The following TNRC6A variants were observed in gnomAD, a reference collection of about 807,000 sequenced individuals.
TNRC6A encodes the protein trinucleotide repeat-containing gene 6A protein.
TNRC6A carries 44 observed loss-of-function variants against 221.2 expected under a neutral mutation model. The observed-to-expected ratio is 0.20, with a 90% CI of 0.16 to 0.26. The LOEUF (loss-of-function observed/expected upper bound fraction) is 0.26. Ranked by LOEUF, TNRC6A falls within the 10% of genes least tolerant of loss-of-function variation. The probability of loss-of-function intolerance (pLI) is 1.00; values close to 1 mark genes in which losing one functional copy is unlikely to be tolerated. For missense variants in TNRC6A, 2,199 were observed against 2,404.4 expected (o/e 0.91, Z 1.79); for synonymous variants, 847 against 838.5 (o/e 1.01, Z -0.18).
Position 24,649,178 on chromosome 16 carries a change from G to C in TNRC6A, n.402+8169G>C, listed in dbSNP as rs1299819660. ...AATAAATAATTGACAAGTAAAAATT[G>C]TATATATTTATGATGCACAATTGGT... On this transcript the variant is annotated intron_variant and non_coding_transcript_variant, in intron 2 of 2. Transcript: ENST00000566108. Among the ~76,000 whole-genome samples, 4 of 152,176 alleles carry C rather than the reference G, an allele frequency of 2.6e-5. No individual in the cohort carries two copies. In the South Asian group the frequency reaches 8.3e-4, roughly 32 times the overall value.
At chr16:24,695,504 A>G (rs868484047) in intron 2 of TNRC6A, among the ~76,000 whole-genome samples, 1 of 151,990 alleles carries the variant, frequency 6.6e-6, no homozygotes, top group African/African-American at 2.4e-5. Flanking sequence ...GGTTCAAGTG[A>G]TTCTCCTGCC....
upstream of TNRC6A, among the ~76,000 whole-genome samples, chr16:24,728,148 A>C (rs1000407583): frequency 2.6e-5 from 4 of 152,156 alleles, no homozygotes; most frequent in Admixed American, 2.6e-4. Flanking sequence ...AGATTCAAGC[A>C]TGTTGTAAAG....
intron 2 of TNRC6A, among the ~76,000 whole-genome samples, chr16:24,700,263 T>A (rs963977528): frequency 7.9e-5 from 12 of 151,234 alleles, no homozygotes; most frequent in Non-Finnish European, 2.9e-5. Flanking sequence ...TGAGACAGAG[T>A]CTCACTCTGT....
intron 2 of TNRC6A, among the ~76,000 whole-genome samples, chr16:24,654,560 C>T (rs1318591223): frequency 2.0e-5 from 3 of 151,772 alleles, no homozygotes; most frequent in South Asian, 2.1e-4. Flanking sequence ...TACAAAAATT[C>T]GCCAAGCATG....
At chr16:24,675,702 C>CTCTCTCTCTCTCTATA (rs1180245687) in intron 2 of TNRC6A, among the ~76,000 whole-genome samples, 3 of 33,266 alleles carry the variant, frequency 9.0e-5, no homozygotes, top group Non-Finnish European at 1.6e-4. Context: ...CTCTCTCTCT[C>CTCTCTCTCTCTCTATA]TATATATATA....
intron 2 of TNRC6A, among the ~76,000 whole-genome samples, chr16:24,742,641 T>G (rs1213944900): frequency 6.6e-6 from 1 of 152,114 alleles, no homozygotes; most frequent in Admixed American, 6.5e-5. Flanking sequence ...TTAGAAAATG[T>G]CTGGGCGCAG....
intron 2 of TNRC6A, among the ~76,000 whole-genome samples, chr16:24,674,270 G>T (rs1370155328): frequency 6.6e-6 from 1 of 151,972 alleles, no homozygotes; most frequent in Non-Finnish European, 1.5e-5. Flanking sequence ...GTCTCGATGT[G>T]TTGCCCAGGC....
rs757389564 is a variant in TNRC6A, at chr16:24,809,466, A to G, written c.4657A>G (p.Asn1553Asp). The G allele has an allele frequency of 5.7e-6, 9 of 1,579,128 alleles. No individual in the cohort carries two copies. Among genetic ancestry groups the G allele is most frequent in the Non-Finnish European group, 1.7e-6 (2 of 1,161,054 alleles). ...SISVNTSLDQ[N>D]SSKHGAISSG... ...TTCTGTGAACACATCTTTGGATCAA[A>G]ACTCCAGCAAACATGGTACAAAAGA... Residue 1553 changes from asparagine (N) to aspartate (D), a missense_variant, in exon 18 of 25, where the codon AAC becomes GAC. Physicochemically the swap from Asn to Asp is conservative, Grantham distance 23 (BLOSUM62 1). This residue lies in a region of TNRC6A where 449 missense variants were observed against 579.7 expected (regional missense o/e 0.77). Transcript: ENST00000395799.
At chr16:24,699,235 T>C (rs1196142680) in intron 2 of TNRC6A, among the ~76,000 whole-genome samples, 1 of 152,178 alleles carries the variant, frequency 6.6e-6, no homozygotes, top group Non-Finnish European at 1.5e-5. Context: ...AACTAAGTCC[T>C]ATTCGTGCCT....
chr16:24,758,185 C>A (rs1439665525), intron 3 of TNRC6A, among the ~76,000 whole-genome samples, 154 bp from the exon 4 acceptor site: 1 of 152,126 alleles, frequency 6.6e-6, no homozygotes, highest in Non-Finnish European at 1.5e-5. Flanking sequence ...GCTTTCCTTG[C>A]ATATCTTTTC....
intron 5 of TNRC6A, among the ~76,000 whole-genome samples, chr16:24,784,554 C>T (rs1203434600): frequency 6.6e-6 from 1 of 152,046 alleles, no homozygotes; most frequent in Non-Finnish European, 1.5e-5. Context: ...ACTTCTGGAC[C>T]CAACCAATAT....
Position 24,765,461 on chromosome 16 carries a change from T to G in TNRC6A, c.163+7101T>G, listed in dbSNP as rs1310029712. Among the ~76,000 whole-genome samples, 8 of 152,290 alleles carry G rather than the reference T, an allele frequency of 5.3e-5. No individual in the cohort carries two copies. The East Asian group carries it at 9.6e-4, about 18-fold the overall frequency. On this transcript the variant is annotated intron_variant, in intron 4 of 24. Transcript: ENST00000395799. Reference sequence around the variant, plus strand: ...GTAGTTCTGCTGTTACAGTTGGGGCTTAGTTCACTGTTTTTCTCCACAGTC... The same window carrying G: ...GTAGTTCTGCTGTTACAGTTGGGGCGTAGTTCACTGTTTTTCTCCACAGTC...
rs1318139029 is a variant in TNRC6A at position 24,755,561 on chromosome 16, T to C, written c.142-2778T>C. Among the ~76,000 whole-genome samples the C allele has an allele frequency of 2.0e-5, 3 of 152,334 alleles. 1 individual carries two copies. The South Asian group carries it at 6.2e-4, about 32-fold the overall frequency. ...AGTTCTATAGATGAGGAAACTAAGC[T>C]TTAGAGAAGTTAACACATTTGACCA... On this transcript the variant is annotated intron_variant, in intron 3 of 24. Coordinates refer to ENST00000395799, the MANE Select transcript of TNRC6A (RefSeq NM_014494.4).
At chr16:24,676,678 T>C (rs191617969) in intron 2 of TNRC6A, among the ~76,000 whole-genome samples, 36 of 152,256 alleles carry the variant, frequency 2.4e-4, no homozygotes, top group African/African-American at 8.4e-4. Context: ...AGTTTTGAAC[T>C]CCTGGGCTCA....
At chr16:24,729,987 C>A in intron 1 of TNRC6A, 141 bp downstream of exon 1, 1 of 803,236 alleles carries the variant, frequency 1.2e-6, no homozygotes. Flanking sequence ...GCGCAGGCTG[C>A]GTTGCTGCGG....
intron 2 of TNRC6A, among the ~76,000 whole-genome samples, chr16:24,745,978 C>G (rs1270156708): frequency 6.6e-6 from 1 of 152,214 alleles, no homozygotes; most frequent in South Asian, 2.1e-4. Context: ...TTTTCCCTCC[C>G]TTTTTCAATT....
At chr16:24,764,988 A>C (rs2057442305) in intron 4 of TNRC6A, among the ~76,000 whole-genome samples, 1 of 152,226 alleles carries the variant, frequency 6.6e-6, no homozygotes, top group Admixed American at 6.5e-5. Flanking sequence ...TCCCTCTCTC[A>C]AAATACTTTA....
intron 18 of TNRC6A, among the ~76,000 whole-genome samples, chr16:24,810,629 G>T (rs960477331): frequency 6.6e-6 from 1 of 152,124 alleles, no homozygotes; most frequent in African/African-American, 2.4e-5. Context: ...GTGCATGCAG[G>T]GTTCAAAGAG....
chr16:24,788,576 A>G (rs192918850), intron 5 of TNRC6A, among the ~76,000 whole-genome samples: 437 of 152,140 alleles, frequency 2.9e-3, no homozygotes, highest in African/African-American at 0.01. Context: ...TTTCCATGTC[A>G]GGCTTCTATG....
Sources: gnomAD v4.1 joint callset for allele counts (sites outside exome capture counted in the v4.1 genomes callset) on GRCh38, gnomAD v4.1.1 for gene constraint, gnomAD v4.1.1 regional missense constraint, MANE v1.5 for transcripts, NCBI Gene and HGNC (gene_info 2026-07-23, HGNC 2026-07-21) for gene names.